Variants in OSBPL9 observed in about 807,000 individuals in gnomAD.
The protein encoded by OSBPL9 is oxysterol binding protein like 9.
In OSBPL9, 40 loss-of-function variants were observed where a neutral mutation model predicts 106.6. The ratio of observed to expected loss-of-function variants is 0.38; its 90% CI spans 0.29 to 0.49. The LOEUF (loss-of-function observed/expected upper bound fraction) is 0.49, where lower values mean the gene tolerates loss of function less well. Ranked by LOEUF, OSBPL9 falls within the 20% of genes least tolerant of loss-of-function variation. The pLI is 0.97. For missense variants in OSBPL9, 609 were observed against 887.2 expected, an observed-to-expected ratio of 0.69 and a Z score of 3.98; for synonymous variants, 269 against 295.4, an observed-to-expected ratio of 0.91 and a Z score of 0.92.
intron 18 of OSBPL9, 106 bp downstream of exon 18, chr1:51,784,131 G>A (rs963979157): frequency 7.2e-7 from 1 of 1,385,462 alleles, no homozygotes; most frequent in Non-Finnish European, 1.0e-6. Context: ...TTGGGGGTGA[G>A]AGCAAAGGGT....
chr1:51,639,362 A>G (rs1645636099), intron 1 of OSBPL9, among the ~76,000 whole-genome samples: 1 of 152,208 alleles, frequency 6.6e-6, no homozygotes, highest in East Asian at 1.9e-4. Context: ...TTGGAAATGA[A>G]CTAACATGTC....
At chr1:51,560,345 C>T in the OSBPL9 span, among the ~76,000 whole-genome samples, 2 of 152,192 alleles carry the variant, frequency 1.3e-5, no homozygotes, top group African/African-American at 2.4e-5. Context: ...GCTGTGTGCT[C>T]TTGGACATGT....
chr1:51,729,467 C>A lies in OSBPL9; in HGVS notation c.318+15388C>A, dbSNP rs376533638. 92 of 152,690 alleles carry A rather than the reference C, an allele frequency of 6.0e-4. No homozygotes were observed. The highest frequency in any genetic ancestry group is 2.1e-3 in the African/African-American group (88 of 41,586). The allele number at this position is 152,690 out of a possible 1,614,324, so 9.5% of individuals were successfully genotyped here. ...GAAGCCCCGAAACCAGGCTGAGCGT[C>A]CCAGAGCGCAACCTCCCTTTCCCCC... On this transcript the variant is annotated intron_variant, in intron 4 of 23. Coordinates refer to ENST00000428468, the MANE Select transcript of OSBPL9 (RefSeq NM_024586.6). This position sits in a 1 kb window ranked among gnomAD's most constrained non-coding sequence, Gnocchi z 5.1.
At chr1:51,654,550 T>TTA (rs1646708723) in intron 2 of OSBPL9, among the ~76,000 whole-genome samples, 1 of 152,186 alleles carries the variant, frequency 6.6e-6, no homozygotes, top group African/African-American at 2.4e-5. Flanking sequence ...AAACAGATGC[T>TTA]TATATATCCA....
chr1:51,771,082 T>C (rs143511482), intron 12 of OSBPL9, among the ~76,000 whole-genome samples: 11 of 152,302 alleles, frequency 7.2e-5, no homozygotes, highest in African/African-American at 2.6e-4. Context: ...ATGCATGCTG[T>C]CTATATTTTC....
chr1:51,631,766 T>TTA (rs1645120682), intron 1 of OSBPL9, among the ~76,000 whole-genome samples: 1 of 152,210 alleles, frequency 6.6e-6, no homozygotes, highest in Non-Finnish European at 1.5e-5. Context: ...TCTCCCAAAG[T>TTA]TAGCTTGGCT....
intron 12 of OSBPL9, among the ~76,000 whole-genome samples, chr1:51,769,144 G>T (rs1673286571): frequency 6.6e-6 from 1 of 152,174 alleles, no homozygotes; most frequent in Non-Finnish European, 1.5e-5. Flanking sequence ...CCTGGCATCT[G>T]TAGCTATTTG....
intron 4 of OSBPL9, among the ~76,000 whole-genome samples, chr1:51,717,291 T>C (rs1406708479): frequency 6.6e-6 from 1 of 152,186 alleles, no homozygotes; most frequent in East Asian, 1.9e-4. Flanking sequence ...CATTGAACTT[T>C]ATCTACTTTA....
At chr1:51,582,341 C>A (rs1278157499) in intron 1 of OSBPL9, among the ~76,000 whole-genome samples, 1 of 151,876 alleles carries the variant, frequency 6.6e-6, no homozygotes, top group Non-Finnish European at 1.5e-5. Flanking sequence ...CTTTTATTTT[C>A]TTTTGAGACA....
At chr1:51,705,444 G>A (rs1179889333) in intron 3 of OSBPL9, among the ~76,000 whole-genome samples, 3 of 80,238 alleles carry the variant, frequency 3.7e-5, no homozygotes, top group Admixed American at 2.0e-4. Flanking sequence ...ACGGAGTTTC[G>A]CTCTTGTTGC....
At chr1:51,635,335 A>AGGTAGTGG (rs941217287) in intron 1 of OSBPL9, among the ~76,000 whole-genome samples, 6 of 152,134 alleles carry the variant, frequency 3.9e-5, no homozygotes, top group African/African-American at 1.4e-4. Flanking sequence ...TTTTCCTGTG[A>AGGTAGTGG]GGTAATCTTC....
chr1:51,631,960 A>C (rs761670892), intron 1 of OSBPL9, among the ~76,000 whole-genome samples: 1 of 152,162 alleles, frequency 6.6e-6, no homozygotes, highest in Non-Finnish European at 1.5e-5. Context: ...ACTGTCTTCC[A>C]CCTGTACATC....
intron 4 of OSBPL9, among the ~76,000 whole-genome samples, chr1:51,719,031 CT>C (rs1212291470): frequency 1.3e-5 from 2 of 152,128 alleles, no homozygotes; most frequent in East Asian, 3.8e-4. Flanking sequence ...CTTTTTCCCC[CT>C]AATCTTTATA....
the OSBPL9 span, among the ~76,000 whole-genome samples, chr1:51,571,751 C>A: frequency 3.3e-5 from 5 of 152,286 alleles, no homozygotes; most frequent in Admixed American, 2.6e-4. Flanking sequence ...GAAGACTTCA[C>A]GGAGGAGGGC....
At chr1:51,586,432 C>G (rs1036719070) in intron 1 of OSBPL9, among the ~76,000 whole-genome samples, 1 of 152,094 alleles carries the variant, frequency 6.6e-6, no homozygotes, top group African/African-American at 2.4e-5. Flanking sequence ...ATATATCATA[C>G]TTTACTAAAT....
the OSBPL9 span, chr1:51,519,302 G>T: frequency 1.4e-6 from 1 of 718,156 alleles, no homozygotes; most frequent in South Asian, 5.8e-5. Flanking sequence ...AGGAGGCGGA[G>T]GGAGCGGCCG....
intron 4 of OSBPL9, among the ~76,000 whole-genome samples, chr1:51,714,400 A>G (rs372144727): frequency 5.8e-4 from 89 of 152,326 alleles, no homozygotes; most frequent in African/African-American, 2.1e-3. Context: ...ACCAAATTAC[A>G]TAATTATGCA....
At chr1:51,646,849 A>G (rs1054032272) in intron 1 of OSBPL9, among the ~76,000 whole-genome samples, 22 of 152,036 alleles carry the variant, frequency 1.4e-4, no homozygotes, top group African/African-American at 5.1e-4. Flanking sequence ...AGGATTTTCT[A>G]TATGGAAGGT....
chr1:51,619,359 T>G (rs897022032), intron 1 of OSBPL9, among the ~76,000 whole-genome samples: 8 of 152,206 alleles, frequency 5.3e-5, no homozygotes, highest in Admixed American at 5.2e-4. Flanking sequence ...TTTCTTCTTT[T>G]CATGTATCCT....
Sources: allele counts gnomAD v4.1 joint callset (sites outside exome capture counted in the v4.1 genomes callset), GRCh38; gene constraint gnomAD v4.1.1; non-coding constraint Gnocchi (gnomAD v3.1); transcripts MANE v1.5; gene names NCBI Gene and HGNC (gene_info 2026-07-23, HGNC 2026-07-21).